The following NEGR1 variants were observed in gnomAD, a reference collection of about 807,000 sequenced individuals.
The protein encoded by NEGR1 is IgLON family member 4.
Under a neutral mutation model 40.9 loss-of-function variants are expected in NEGR1, and 10 were observed. That is an observed-to-expected ratio of 0.24 (90% CI 0.15 to 0.42). NEGR1 has a LOEUF of 0.42. Among genes scored for constraint, NEGR1 ranks in the 10% least tolerant of loss-of-function variants. NEGR1 has a pLI of 1.00. For missense variants in NEGR1, 352 were observed against 438.9 expected, an observed-to-expected ratio of 0.80 and a Z score of 1.77; for synonymous variants, 185 against 166.8, an observed-to-expected ratio of 1.11 and a Z score of -0.84.
chr1:71,585,204 A>G (rs1176549727), intron 6 of NEGR1, among the ~76,000 whole-genome samples: 1 of 152,178 alleles, frequency 6.6e-6, no homozygotes, highest in Admixed American at 6.6e-5. Flanking sequence ...TTTGTTAAGG[A>G]GTAAGTTTAA....
rs140507076 is a variant in NEGR1, at chr1:72,120,644, A to G, written c.176+161675T>C. ...CATCTAGCATTAGGTGTATCTCCCAATGCTATCCCTCCCCACTACCTCCAC... is the reference window on the plus strand; with the variant it reads ...CATCTAGCATTAGGTGTATCTCCCAGTGCTATCCCTCCCCACTACCTCCAC... On this transcript the variant is annotated intron_variant, in intron 1 of 6. Coordinates refer to ENST00000357731, the MANE Select transcript of NEGR1 (RefSeq NM_173808.3). 5.6e-3 allele frequency among the ~76,000 whole-genome samples: 853 copies of G among 151,952 alleles called. 5 individuals are homozygous for G. The highest frequency in any genetic ancestry group is 0.02 in the African/African-American group (812 of 41,480).
Position 71,588,741 on chromosome 1 carries a change from G to C in NEGR1, c.940+4076C>G, listed in dbSNP as rs7517576. 4.6e-3 allele frequency among the ~76,000 whole-genome samples: 699 copies of C among 152,070 alleles called. 3 individuals are homozygous for C. Among genetic ancestry groups the C allele is most frequent in the African/African-American group, 0.015 (635 of 41,494 alleles). ...ATCAAAACTTTTGCTTATTTCCCTC[G>C]CACCCAAAGAAGATTTGAGAAAGAG... is the stretch of plus-strand genomic sequence containing the variant. On this transcript the variant is annotated intron_variant, in intron 6 of 6. Transcript: ENST00000357731.
At chr1:71,886,198 G>A (rs1057396317) in intron 2 of NEGR1, among the ~76,000 whole-genome samples, 13 of 152,124 alleles carry the variant, frequency 8.5e-5, no homozygotes, top group African/African-American at 9.7e-5. Context: ...GTCCAGTGAA[G>A]TTTCCTGAAT....
intron 4 of NEGR1, among the ~76,000 whole-genome samples, chr1:71,672,897 T>C (rs1652482822): frequency 6.6e-6 from 1 of 152,112 alleles, no homozygotes; most frequent in Non-Finnish European, 1.5e-5. Flanking sequence ...CTTGGCGGGA[T>C]GTTGAGGACA....
chr1:71,651,422 T>C (rs1651713574), intron 4 of NEGR1, among the ~76,000 whole-genome samples: 2 of 152,272 alleles, frequency 1.3e-5, no homozygotes, highest in Admixed American at 1.3e-4. Flanking sequence ...CGGGATTGTT[T>C]TGAGGTCTGA....
At chr1:71,539,680 A>T (rs971735418) in intron 6 of NEGR1, among the ~76,000 whole-genome samples, 1 of 151,682 alleles carries the variant, frequency 6.6e-6, no homozygotes, top group Admixed American at 6.6e-5. Flanking sequence ...CTAAGAAAAG[A>T]TGCGTGTTTA....
Position 72,132,432 on chromosome 1 carries a change from T to C in NEGR1, c.176+149887A>G, listed in dbSNP as rs187976172. On this transcript the variant is annotated intron_variant, in intron 1 of 6. Coordinates refer to ENST00000357731, the MANE Select transcript of NEGR1 (RefSeq NM_173808.3). ...TCCCTAAAAATAAGCATGTTGAAAG[T>C]TGAATCCTTATGGAGTTTTTGCAGC... Among the ~76,000 whole-genome samples, 110 of 152,234 alleles carry C rather than the reference T, an allele frequency of 7.2e-4. 2 individuals are homozygous for C. Among genetic ancestry groups the C allele is most frequent in the East Asian group, 5.8e-4 (3 of 5,188 alleles).
At chr1:71,494,474 C>T (rs1021427376) in intron 6 of NEGR1, among the ~76,000 whole-genome samples, 1 of 152,198 alleles carries the variant, frequency 6.6e-6, no homozygotes, top group African/African-American at 2.4e-5. Context: ...GGTCCTCTCT[C>T]AGACTCTGCC....
At chr1:71,465,263 A>G (rs1483907711) in intron 6 of NEGR1, among the ~76,000 whole-genome samples, 1 of 152,106 alleles carries the variant, frequency 6.6e-6, no homozygotes, top group African/African-American at 2.4e-5. Flanking sequence ...CCACTACGCT[A>G]GATGCTGAAG....
intron 2 of NEGR1, among the ~76,000 whole-genome samples, chr1:71,871,494 G>C (rs887552184): frequency 6.6e-6 from 1 of 152,126 alleles, no homozygotes; most frequent in African/African-American, 2.4e-5. Context: ...CGGCATCCCA[G>C]TTGTGGTGGT....
chr1:72,033,282 C>A (rs17092167), intron 1 of NEGR1, among the ~76,000 whole-genome samples: 3,047 of 152,124 alleles, frequency 0.02, 35 homozygotes, highest in Middle Eastern at 0.065. Context: ...TATTGAAGAA[C>A]CTTTGGGCTA....
intron 6 of NEGR1, among the ~76,000 whole-genome samples, chr1:71,582,192 AAG>A (rs1361542382): frequency 2.0e-5 from 3 of 152,176 alleles, no homozygotes; most frequent in African/African-American, 7.2e-5. Context: ...GTGAAAATGA[AAG>A]AAGTTTTGTG....
intron 3 of NEGR1, among the ~76,000 whole-genome samples, chr1:71,741,547 T>A (rs1655213441): frequency 6.6e-6 from 1 of 152,140 alleles, no homozygotes; most frequent in African/African-American, 2.4e-5. Flanking sequence ...ACCATATACA[T>A]TTTGCTATGG....
At chr1:72,186,658 A>G (rs1186482601) in intron 1 of NEGR1, among the ~76,000 whole-genome samples, 1 of 151,682 alleles carries the variant, frequency 6.6e-6, no homozygotes, top group Non-Finnish European at 1.5e-5. Context: ...GCTAATCACT[A>G]TTAAAATCTG....
intron 1 of NEGR1, among the ~76,000 whole-genome samples, chr1:72,232,328 C>T (rs1366287818): frequency 6.6e-6 from 1 of 151,344 alleles, no homozygotes; most frequent in Non-Finnish European, 1.5e-5. Context: ...CTGACTCCAG[C>T]CTGGGTGACA....
Position 71,562,355 on chromosome 1 carries a change from C to G in NEGR1, c.940+30462G>C, listed in dbSNP as rs189227781. On this transcript the variant is annotated intron_variant, in intron 6 of 6. Transcript: ENST00000357731. ...CTTTAAAACACTGGACATAAATCTT[C>G]AGGTATTCCTTGGTATTTTTCCTGG... 2.4e-3 allele frequency among the ~76,000 whole-genome samples: 367 copies of G among 151,896 alleles called. 2 individuals carry two copies. Among genetic ancestry groups the G allele is most frequent in the Non-Finnish European group, 3.8e-3 (255 of 67,848 alleles).
At chr1:72,103,180 A>G (rs1281720825) in intron 1 of NEGR1, among the ~76,000 whole-genome samples, 2 of 152,062 alleles carry the variant, frequency 1.3e-5, no homozygotes, top group Admixed American at 1.3e-4. Flanking sequence ...AACTCTACTG[A>G]TCATGGACAT....
At chr1:72,197,957 G>A (rs1653058787) in intron 1 of NEGR1, among the ~76,000 whole-genome samples, 1 of 151,418 alleles carries the variant, frequency 6.6e-6, no homozygotes, top group South Asian at 2.1e-4. Context: ...ATGTGTCAAG[G>A]CCACTGTATT....
rs1357121466 is a variant in NEGR1 at position 71,625,761 on chromosome 1, GC to G, written c.668-14616del. ...CCCAAGCCCCAGGCCATGGACCACT[GC>G]TGGACATATCGTGTGCCTCTAACAT... is the stretch of plus-strand genomic sequence containing the variant. On this transcript the variant is annotated intron_variant, in intron 4 of 6. Transcript: ENST00000357731. 2.6e-5 allele frequency among the ~76,000 whole-genome samples: 4 copies of G among 151,880 alleles called. No homozygotes were observed. In the East Asian group the frequency reaches 7.8e-4, roughly 30 times the overall value.
Sources: gnomAD v4.1 joint callset for allele counts (sites outside exome capture counted in the v4.1 genomes callset) on GRCh38, gnomAD v4.1.1 for gene constraint, MANE v1.5 for transcripts, NCBI Gene and HGNC (gene_info 2026-07-23, HGNC 2026-07-21) for gene names.